The following MGAT4C variants were observed in gnomAD, a reference collection of about 807,000 sequenced individuals.
The protein encoded by MGAT4C is alpha-1,3-mannosyl-glycoprotein 4-beta-N-acetylglucosaminyltransferase C.
A neutral mutation model predicts 40.1 loss-of-function variants in MGAT4C; 19 were observed. That is an observed-to-expected ratio of 0.47 (90% CI 0.33 to 0.70). The LOEUF (loss-of-function observed/expected upper bound fraction) is 0.70. Ranked by LOEUF, MGAT4C falls within the 30% of genes least tolerant of loss-of-function variation. The pLI is 0.02. For synonymous variants in MGAT4C, 181 were observed against 187.1 expected (o/e 0.97, Z 0.27); for missense variants, 491 against 563.2 (o/e 0.87, Z 1.30).
intron 1 of MGAT4C, among the ~76,000 whole-genome samples, chr12:86,209,216 T>G (rs1402404140): frequency 6.6e-6 from 1 of 152,082 alleles, no homozygotes; most frequent in Non-Finnish European, 1.5e-5. Context: ...TTCCATTATT[T>G]TTCTCTGAAG....
intron 1 of MGAT4C, among the ~76,000 whole-genome samples, chr12:86,114,787 C>T (rs570261069): frequency 9.9e-5 from 15 of 151,956 alleles, no homozygotes; most frequent in South Asian, 2.1e-4. Context: ...CTCTTCCAAC[C>T]GCCCCCCGGC....
chr12:86,525,896 C>T (rs1264994179), intron 2 of MGAT4C, among the ~76,000 whole-genome samples: 1 of 152,222 alleles, frequency 6.6e-6, no homozygotes, highest in East Asian at 1.9e-4. Flanking sequence ...GGATTTCATA[C>T]TGTAGTGACA....
intron 2 of MGAT4C, among the ~76,000 whole-genome samples, chr12:86,612,949 A>G (rs1962335464): frequency 2.6e-5 from 4 of 152,206 alleles, no homozygotes; most frequent in Admixed American, 2.6e-4. Flanking sequence ...CAGAAGAATT[A>G]GAAAATGTGA....
chr12:86,691,108 T>C (rs566613141), intron 2 of MGAT4C, among the ~76,000 whole-genome samples: 8 of 152,372 alleles, frequency 5.3e-5, no homozygotes, highest in African/African-American at 1.9e-4. Context: ...ATTTCTCCTA[T>C]GATCTGTCTA....
At chr12:86,009,396 G>A (rs939007814) in intron 2 of MGAT4C, among the ~76,000 whole-genome samples, 2 of 151,954 alleles carry the variant, frequency 1.3e-5, no homozygotes, top group African/African-American at 4.8e-5. Flanking sequence ...CTCCCTCCCT[G>A]CAGTTGTGTT....
chr12:86,834,943 A>G (rs778290974), intron 1 of MGAT4C, among the ~76,000 whole-genome samples: 2 of 151,928 alleles, frequency 1.3e-5, no homozygotes, highest in African/African-American at 2.4e-5. Flanking sequence ...CCTGTAAAGC[A>G]CCTTCAAAAC....
intron 2 of MGAT4C, among the ~76,000 whole-genome samples, chr12:86,711,537 T>A (rs566883653): frequency 1.3e-5 from 2 of 152,164 alleles, no homozygotes; most frequent in African/African-American, 4.8e-5. Flanking sequence ...TTAACACTAA[T>A]TAAAAATTGG....
At chr12:86,163,333 A>G (rs1369514476) in intron 1 of MGAT4C, among the ~76,000 whole-genome samples, 1 of 151,872 alleles carries the variant, frequency 6.6e-6, no homozygotes, top group African/African-American at 2.4e-5. Flanking sequence ...CTAGGACCAC[A>G]GGCGCACACC....
intron 1 of MGAT4C, among the ~76,000 whole-genome samples, chr12:86,071,180 T>C (rs546258418): frequency 9.9e-5 from 15 of 152,142 alleles, no homozygotes; most frequent in Admixed American, 9.8e-4. Context: ...TATTCAATTT[T>C]TGGAGAAGTT....
rs895372721 is a variant in MGAT4C at position 86,292,180 on chromosome 12, G to A, written c.-57+41885C>T. On this transcript the variant is annotated intron_variant, in intron 4 of 7. Transcript: ENST00000548651. Reference sequence around the variant, plus strand: ...AAGCCACTGAGATTTCTGGATGTTTGGTGGTGGTGGTGGTACAGCAATTAG... The same window carrying A: ...AAGCCACTGAGATTTCTGGATGTTTAGTGGTGGTGGTGGTACAGCAATTAG... Among the ~76,000 whole-genome samples, 4 of 151,978 alleles carry A rather than the reference G, an allele frequency of 2.6e-5. No homozygotes were observed. The East Asian group carries it at 7.7e-4, about 29-fold the overall frequency.
intron 4 of MGAT4C, among the ~76,000 whole-genome samples, chr12:86,269,220 A>G (rs1379896236): frequency 1.3e-5 from 2 of 150,838 alleles, no homozygotes; most frequent in East Asian, 3.9e-4. Context: ...TTTGGAAATA[A>G]CCTGCTTAAG....
At chr12:86,069,510 T>TGGCACTAAG (rs1894869548) in intron 1 of MGAT4C, among the ~76,000 whole-genome samples, 1 of 152,312 alleles carries the variant, frequency 6.6e-6, no homozygotes, top group Admixed American at 6.5e-5. Flanking sequence ...ATTCTATGTA[T>TGGCACTAAG]GGCACTAAGG....
chr12:86,036,942 A>T (rs1393072041), intron 2 of MGAT4C, among the ~76,000 whole-genome samples: 1 of 149,434 alleles, frequency 6.7e-6, no homozygotes, highest in Non-Finnish European at 1.5e-5. Context: ...TTTGGTTGGT[A>T]GGCTATTACT....
chr12:86,619,089 A>C (rs945896383), intron 2 of MGAT4C, among the ~76,000 whole-genome samples: 4 of 152,096 alleles, frequency 2.6e-5, no homozygotes, highest in African/African-American at 7.2e-5. Context: ...CTTAATGTAC[A>C]TGAGAGGATA....
At chr12:86,281,405 T>G (rs751316448) in intron 4 of MGAT4C, among the ~76,000 whole-genome samples, 2 of 152,098 alleles carry the variant, frequency 1.3e-5, no homozygotes, top group African/African-American at 4.8e-5. Flanking sequence ...TGTTTCCCTA[T>G]ATACATAGAT....
At chr12:86,810,783 T>G (rs1455964576) in intron 1 of MGAT4C, among the ~76,000 whole-genome samples, 3 of 152,152 alleles carry the variant, frequency 2.0e-5, no homozygotes, top group Non-Finnish European at 4.4e-5. Context: ...TTGTGAGAGA[T>G]ATATGTCTAT....
rs1961896193 is a variant in MGAT4C at position 86,603,547 on chromosome 12, A to AT, written c.-229+123661_-229+123662insA. Among the ~76,000 whole-genome samples the AT allele has an allele frequency of 2.0e-3, 8 of 4,030 alleles. 1 individual carries two copies. The highest frequency in any genetic ancestry group is 0.013 in the Non-Finnish European group (6 of 468). The allele number at this position is 4,030 out of a possible 152,430, so 2.6% of individuals were successfully genotyped here. A position where few individuals can be genotyped will look rare whatever the true frequency, so the allele number is the denominator to read the frequency against. On this transcript the variant is annotated intron_variant, in intron 2 of 7. Coordinates refer to the MGAT4C transcript ENST00000548651. ...AGACTATATATAGTCTATAGACTAT[A>AT]GATAATATATAGTCTATAGACTATA...
Position 85,958,106 on chromosome 12 carries a change from C to G in MGAT4C, c.*21183G>C, listed in dbSNP as rs957451771. 1 of 151,672 alleles carries G rather than the reference C, an allele frequency of 6.6e-6. No homozygotes were observed. The highest frequency in any genetic ancestry group is 1.5e-5 in the Non-Finnish European group (1 of 68,176). The allele number at this position is 151,672 out of a possible 1,614,324, so 9.4% of individuals were successfully genotyped here. ...TTTTGTTTTGAGACAGAGTCTTGCT[C>G]TGTTGTCCAGGCTGGAGTGCAGTGG... On this transcript the variant is annotated 3_prime_UTR_variant, in exon 5 of 5. Transcript: ENST00000611864.
At chr12:85,986,998 G>A (rs2136706885) in intron 3 of MGAT4C, among the ~76,000 whole-genome samples, 1 of 151,124 alleles carries the variant, frequency 6.6e-6, no homozygotes, top group South Asian at 2.1e-4. Context: ...TCAGTAAATA[G>A]TAAATTGTTA....
Sources: gnomAD v4.1 joint callset for allele counts (sites outside exome capture counted in the v4.1 genomes callset) on GRCh38, gnomAD v4.1.1 for gene constraint, MANE v1.5 for transcripts, NCBI Gene and HGNC (gene_info 2026-07-23, HGNC 2026-07-21) for gene names.